Variants in THBS3 observed in about 807,000 individuals in gnomAD.
The protein encoded by THBS3 is thrombospondin-3.
THBS3 carries 78 observed loss-of-function variants against 118.3 expected under a neutral mutation model. The ratio of observed to expected loss-of-function variants is 0.66; its 90% CI spans 0.55 to 0.80. THBS3 has a LOEUF of 0.80. Ranked by LOEUF, THBS3 falls within the 30% of genes least tolerant of loss-of-function variation. THBS3 has a pLI of 0.00. For synonymous variants in THBS3, 427 were observed against 475.3 expected (o/e 0.90, Z 1.32); for missense variants, 1,057 against 1,247.4 (o/e 0.85, Z 2.30).
chr1:155,208,409 C>A (rs1433716810), upstream of THBS3, among the ~76,000 whole-genome samples: 1 of 152,202 alleles, frequency 6.6e-6, no homozygotes, highest in Non-Finnish European at 1.5e-5. Flanking sequence ...GCCTGTTTCT[C>A]CATTTTCCCT....
At chr1:155,199,453 C>T (rs886177211) in intron 16 of THBS3, among the ~76,000 whole-genome samples, 1 of 148,884 alleles carries the variant, frequency 6.7e-6, no homozygotes, top group East Asian at 2.0e-4. Flanking sequence ...GTAAAATATC[C>T]CCTATAAGAC....
chr1:155,196,686 A>G lies in THBS3; in HGVS notation c.2672+355T>C, dbSNP rs1008021382. On this transcript the variant is annotated intron_variant, in intron 21 of 22. Transcript: ENST00000368378. ...GCCTTGATTTTCTCTTCTGTAAATG[A>G]TGATGCCTTCCAGGTCAGATGATCC... 2.0e-5 allele frequency among the ~76,000 whole-genome samples: 3 copies of G among 152,218 alleles called. No homozygotes were observed. In the South Asian group the frequency reaches 6.2e-4, roughly 31 times the overall value.
chr1:155,196,156 A>G, intron 21 of THBS3, 30 bp from the exon 22 acceptor site: 1 of 1,613,004 alleles, frequency 6.2e-7, no homozygotes, highest in Non-Finnish European at 8.5e-7. Flanking sequence ...AGGAGTATCC[A>G]TTGGTGCTAG....
At chr1:155,204,798 G>A in intron 4 of THBS3, 57 bp downstream of exon 4, 1 of 1,495,982 alleles carries the variant, frequency 6.7e-7, no homozygotes, top group South Asian at 1.1e-5. Flanking sequence ...GAAGACAGGA[G>A]TCACCAAAGG....
In THBS3 at chr1:155,201,563, A is replaced by C; in HGVS notation, c.1183T>G (p.Phe395Val). ...NSICTNTVGS[F>V]KCGPCRLGFL... ...CCCAGGCGGCAGGGACCACACTTGA[A>C]AGAGCCCTAAGAGTGGAGAGGCAGC... Residue 395 changes from phenylalanine to valine, a missense_variant, in exon 11 of 23, where the codon TTC becomes GTC. Physicochemically the swap from Phe to Val is conservative, Grantham distance 50. Transcript: ENST00000368378. 5.6e-6 allele frequency: 9 copies of C among 1,613,740 alleles called. No individual in the cohort carries two copies. Among genetic ancestry groups the C allele is most frequent in the Non-Finnish European group, 7.6e-6 (9 of 1,179,834 alleles).
chr1:155,199,726 G>A, intron 16 of THBS3, 78 bp downstream of exon 16: 1 of 1,527,526 alleles, frequency 6.5e-7, no homozygotes, highest in Non-Finnish European at 9.0e-7. Context: ...CTGTACTCCA[G>A]CCTAGGTGAC....
At position 155,206,285 on chromosome 1, in the gene THBS3, CT is replaced by C; in HGVS notation, c.200del (p.Lys67SerfsTer24). On this transcript the variant is annotated frameshift_variant, in exon 2 of 23. Coordinates refer to ENST00000368378, the MANE Select transcript of THBS3 (RefSeq NM_007112.5). LOFTEE classifies it high-confidence loss of function. This position sits in a 1 kb window ranked among gnomAD's most constrained non-coding sequence, Gnocchi z 4.2. Reference sequence around the variant, plus strand: ...AGAGGCCAAAGAGGACACCACCCTGCTTGGGGGGCAGGCGGAAGGTGGATAA... The same window carrying C: ...AGAGGCCAAAGAGGACACCACCCTGCTGGGGGGCAGGCGGAAGGTGGATAA... Reference protein sequence around the residue: ...YLLSTFRLPPKQGGVLFGLYS... With the variant: ...YLLSTFRLPPXQGGVLFGLYS... 6.2e-7 allele frequency: 1 copy of C among 1,614,108 alleles called. No individual in the cohort carries two copies. The highest frequency in any genetic ancestry group is 8.5e-7 in the Non-Finnish European group (1 of 1,179,984).
rs1248833872 is a variant in THBS3, at chr1:155,200,073, G to C, written c.1749C>G (p.Asn583Lys). 3.8e-6 allele frequency: 6 copies of C among 1,595,480 alleles called. No homozygotes were observed. The highest frequency in any genetic ancestry group is 5.1e-6 in the Non-Finnish European group (6 of 1,170,940). ...NGLDNCPKVP[N>K]PLQTDRDEDG... is the part of the protein sequence containing the mutation. ...CCTCATCCCTGTCTGTCTGTAGTGG[G>C]TTGGGGACTTTAGGGCAATTGTCCA... Residue 583 changes from asparagine (N) to lysine (K), a missense_variant, in exon 15 of 23, where the codon AAC becomes AAG. Asn to Lys is a moderately conservative substitution (Grantham distance 94). Transcript: ENST00000368378.
At chr1:155,203,357 C>T in intron 5 of THBS3, 52 bp from the exon 6 acceptor site, 1 of 1,603,706 alleles carries the variant, frequency 6.2e-7, no homozygotes. Context: ...CAGTCCTGGG[C>T]CCTCCATGGG....
In THBS3 at chr1:155,206,886, C is replaced by G. The variant is rs1459077971; in HGVS notation, c.80-480G>C. 6.6e-6 allele frequency among the ~76,000 whole-genome samples: 1 copy of G among 152,086 alleles called. No individual in the cohort carries two copies. The highest frequency in any genetic ancestry group is 1.5e-5 in the Non-Finnish European group (1 of 68,014). On this transcript the variant is annotated intron_variant, in intron 1 of 22. Transcript: ENST00000368378. The surrounding 1 kb of genome is among the most constrained non-coding windows in gnomAD (Gnocchi z 4.2). ...CAAAAAAAAACCTCAACCCTTGTTG[C>G]TCTCAGAGGACAGAGGCACTGTGCC...
chr1:155,203,403 G>T, intron 5 of THBS3, 98 bp from the exon 6 acceptor site: 1 of 1,584,806 alleles, frequency 6.3e-7, no homozygotes, highest in Non-Finnish European at 8.6e-7. Context: ...GCCCACCCCT[G>T]CCTTTAAACC....
rs1304046923 is a variant in THBS3, at chr1:155,195,916, A to G, written c.2813-17T>C. The G allele has an allele frequency of 1.2e-6, 2 of 1,614,186 alleles. No homozygotes were observed. Among genetic ancestry groups the G allele is most frequent in the Non-Finnish European group, 1.7e-6 (2 of 1,180,042 alleles). On this transcript the variant is annotated splice_polypyrimidine_tract_variant and intron_variant, in intron 22 of 22. Coordinates refer to ENST00000368378, the MANE Select transcript of THBS3 (RefSeq NM_007112.5). ...GCACTGTGTCTGAAGAAGGGGAAAT[A>G]AGTAAGGTCAGAGGATGTGGCTCTC...
Position 155,195,779 on chromosome 1 carries a change from C to T in THBS3, c.*62G>A, listed in dbSNP as rs1571857499. The stretch of plus-strand genomic sequence containing the variant: ...GCTGTAGCTTAGACCTCAGGGTCTC[C>T]AGGATGGACCCCAAGGCCAAAGGGT... On this transcript the variant is annotated 3_prime_UTR_variant, in exon 23 of 23. Coordinates refer to ENST00000368378, the MANE Select transcript of THBS3 (RefSeq NM_007112.5). 8 of 1,576,878 alleles carry T rather than the reference C, an allele frequency of 5.1e-6. No homozygotes were observed. In the East Asian group the frequency reaches 1.3e-4, roughly 26 times the overall value.
rs1294031986 is a variant in THBS3, at chr1:155,206,533, G to A, written c.80-127C>T. The stretch of plus-strand genomic sequence containing the variant: ...TTAGTCACCTCAAAATTCAACCCTT[G>A]GCTGGGCATGGTGGCTCGCACCTGT... On this transcript the variant is annotated intron_variant, in intron 1 of 22. Transcript: ENST00000368378. This position sits in a 1 kb window ranked among gnomAD's most constrained non-coding sequence, Gnocchi z 4.2. 1 of 793,922 alleles carries A rather than the reference G, an allele frequency of 1.3e-6. No homozygotes were observed. Among genetic ancestry groups the A allele is most frequent in the African/African-American group, 1.7e-5 (1 of 58,508 alleles). 49.2% of individuals were successfully genotyped at this position (793,922 alleles called of 1,614,324 possible).
Position 155,206,347 on chromosome 1 carries a change from G to C in THBS3, c.139C>G (p.Arg47Gly). 1 of 1,614,054 alleles carries C rather than the reference G, an allele frequency of 6.2e-7. No individual in the cohort carries two copies. The highest frequency in any genetic ancestry group is 8.5e-7 in the Non-Finnish European group (1 of 1,179,968). The change falls in exon 2 of 23, where the codon CGG becomes GGG. Residue 47 changes from arginine to glycine, a missense_variant. By Grantham distance (125) the Arg-to-Gly change is moderately radical. Transcript: ENST00000368378. This position sits in a 1 kb window ranked among gnomAD's most constrained non-coding sequence, Gnocchi z 4.2. ...TCCCCAGCAGTGAGCAAGGCTGTCC[G>C]GATCTTCTCTGCCACAGCTACCATC... is the stretch of plus-strand genomic sequence containing the variant. ...RQMVAVAEKI[R>G]TALLTAGDIY...
rs762093675 is a variant in THBS3 at position 155,207,806 on chromosome 1, T to G, written c.71A>C (p.Asp24Ala). The change falls in exon 1 of 23, where the codon GAT (aspartate) becomes GCT (alanine). Residue 24 changes from aspartate to alanine, a missense_variant. Coordinates refer to ENST00000368378, the MANE Select transcript of THBS3 (RefSeq NM_007112.5). Reference protein sequence around the residue: ...LLCFFTSASQDLQVIDLLTVG... With the variant: ...LLCFFTSASQALQVIDLLTVG... ...GATGGAGACAGGCTTACCCTGCAGA[T>G]CCTGACTGGCAGATGTGAAAAAGCA... 3.1e-6 allele frequency: 5 copies of G among 1,613,944 alleles called. No individual in the cohort carries two copies. The highest frequency in any genetic ancestry group is 1.7e-5 in the Admixed American group (1 of 60,008).
chr1:155,195,627 C>G lies in THBS3; in HGVS notation c.*214G>C. 1.8e-6 allele frequency: 1 copy of G among 553,488 alleles called. No homozygotes were observed. Among genetic ancestry groups the G allele is most frequent in the South Asian group, 2.1e-5 (1 of 46,612 alleles). 34.3% of individuals were successfully genotyped at this position (553,488 alleles called of 1,614,324 possible). ...AAACTTTATGGCAATGTGCTGTCAT[C>G]TTTCCTGGGGTTAGTGCCTGAGTAA... On this transcript the variant is annotated 3_prime_UTR_variant, in exon 23 of 23. Coordinates refer to ENST00000368378, the MANE Select transcript of THBS3 (RefSeq NM_007112.5).
At chr1:155,208,925 C>A, upstream of THBS3, 1 of 1,611,202 alleles carries the variant, frequency 6.2e-7, no homozygotes, top group Non-Finnish European at 8.5e-7. Context: ...GCGCACAAGA[C>A]CCCGCTCTCC....
chr1:155,207,887 C>A lies in THBS3; in HGVS notation c.-11G>T. 6.2e-7 allele frequency: 1 copy of A among 1,613,578 alleles called. No homozygotes were observed. Among genetic ancestry groups the A allele is most frequent in the East Asian group, 2.2e-5 (1 of 44,880 alleles). On this transcript the variant is annotated 5_prime_UTR_variant, in exon 1 of 23. Coordinates refer to ENST00000368378, the MANE Select transcript of THBS3 (RefSeq NM_007112.5). Reference sequence around the variant, plus strand: ...TTCCTGCGTCTCCATGCCTCTCAGCCGGCTCACTACCCCTGGCAGGCAGGC... The same window carrying A: ...TTCCTGCGTCTCCATGCCTCTCAGCAGGCTCACTACCCCTGGCAGGCAGGC...
Sources: gnomAD v4.1 joint callset for allele counts (sites outside exome capture counted in the v4.1 genomes callset) on GRCh38, gnomAD v4.1.1 for gene constraint, Gnocchi (gnomAD v3.1) non-coding constraint, MANE v1.5 for transcripts, NCBI Gene and HGNC (gene_info 2026-07-23, HGNC 2026-07-21) for gene names.